Variants in DSCAML1 observed in about 807,000 individuals in gnomAD.
The protein encoded by DSCAML1 is DS cell adhesion molecule like 1, also known as cell adhesion molecule DSCAML1.
In DSCAML1, 38 loss-of-function variants were observed where a neutral mutation model predicts 200.5. The observed-to-expected ratio is 0.19, with a 90% CI of 0.15 to 0.25. DSCAML1 has a LOEUF of 0.25. Ranked by LOEUF, DSCAML1 falls within the 10% of genes least tolerant of loss-of-function variation. The pLI is 1.00. For missense variants in DSCAML1, 2,223 were observed against 2,858.8 expected (o/e 0.78, Z 5.07); for synonymous variants, 1,215 against 1,165.0 (o/e 1.04, Z -0.87).
rs373323150 is a variant in DSCAML1 at position 117,750,279 on chromosome 11, G to A, written c.511+26512C>T. On this transcript the variant is annotated intron_variant, in intron 3 of 32. Coordinates refer to ENST00000651296, the MANE Select transcript of DSCAML1 (RefSeq NM_020693.4). ...GCACTGCCCCTACTCCTGACCGAGC[G>A]GGGATATGCAGGTAAAGATATCTGT... 3.9e-5 allele frequency among the ~76,000 whole-genome samples: 6 copies of A among 152,318 alleles called. No homozygotes were observed. The East Asian group carries it at 5.8e-4, about 15-fold the overall frequency.
chr11:117,595,938 C>G (rs2137496726), intron 3 of DSCAML1, among the ~76,000 whole-genome samples: 1 of 152,318 alleles, frequency 6.6e-6, no homozygotes, highest in South Asian at 2.1e-4. Flanking sequence ...AGCTCCAAGA[C>G]AAAATCGTGT....
chr11:117,553,204 C>T (rs1218226113), intron 3 of DSCAML1, among the ~76,000 whole-genome samples: 2 of 152,124 alleles, frequency 1.3e-5, no homozygotes, highest in Admixed American at 1.3e-4. Flanking sequence ...TAAGGGAAAA[C>T]CTTCATTACA....
At chr11:117,666,105 G>C (rs989808710) in intron 3 of DSCAML1, among the ~76,000 whole-genome samples, 1 of 152,172 alleles carries the variant, frequency 6.6e-6, no homozygotes, top group African/African-American at 2.4e-5. Context: ...GGGGCTGTTT[G>C]TTGGCCTCCT....
chr11:117,793,495 A>G (rs907189298), intron 1 of DSCAML1, among the ~76,000 whole-genome samples: 2 of 152,184 alleles, frequency 1.3e-5, no homozygotes, highest in Non-Finnish European at 2.9e-5. Context: ...AGTGGCAAGG[A>G]TGTGTCTTCT....
chr11:117,598,982 T>C (rs2051413878), intron 3 of DSCAML1, among the ~76,000 whole-genome samples: 1 of 152,210 alleles, frequency 6.6e-6, no homozygotes, highest in Admixed American at 6.5e-5. Context: ...CTCAGTGACA[T>C]TTAATAACAC....
intron 1 of DSCAML1, among the ~76,000 whole-genome samples, chr11:117,785,442 G>T (rs1180243866): frequency 6.6e-6 from 1 of 152,150 alleles, no homozygotes; most frequent in Non-Finnish European, 1.5e-5. Context: ...AGGCATGCAT[G>T]TTGGGGGATG....
rs78946972 is a variant in DSCAML1 at position 117,686,090 on chromosome 11, G to A, written c.511+90701C>T. 6.8e-3 allele frequency among the ~76,000 whole-genome samples: 1,043 copies of A among 152,280 alleles called. 19 individuals are homozygous for A. Among genetic ancestry groups the A allele is most frequent in the African/African-American group, 0.024 (982 of 41,544 alleles). ...GTGAGATCCAGAATTGAGGTACCAG[G>A]TTCCCTCCCCACTACAGGAGCCCCA... On this transcript the variant is annotated intron_variant, in intron 3 of 32. Coordinates refer to ENST00000651296, the MANE Select transcript of DSCAML1 (RefSeq NM_020693.4).
rs1237061556 is a variant in DSCAML1, at chr11:117,780,294, AAG to A, written c.364+197_364+198del. On this transcript the variant is annotated intron_variant, in intron 2 of 32. Transcript: ENST00000651296. This position sits in a 1 kb window ranked among gnomAD's most constrained non-coding sequence, Gnocchi z 4.8. The stretch of plus-strand genomic sequence containing the variant: ...AAAGAAAGAAAGAAAGAAAGAAAGA[AAG>A]AAAGAAAGAGAGAAAGGAGAAAGAA... Among the ~76,000 whole-genome samples, 64 of 106,724 alleles carry A rather than the reference AAG, an allele frequency of 6.0e-4. 3 individuals are homozygous for A. The highest frequency in any genetic ancestry group is 5.2e-3 in the East Asian group (20 of 3,834). 70.0% of individuals were successfully genotyped at this position (106,724 alleles called of 152,430 possible).
chr11:117,692,318 G>T (rs768040278), intron 3 of DSCAML1, among the ~76,000 whole-genome samples: 2 of 151,948 alleles, frequency 1.3e-5, no homozygotes, highest in African/African-American at 2.4e-5. Context: ...CCCACCTTTT[G>T]CCTGTCACTT....
intron 8 of DSCAML1, among the ~76,000 whole-genome samples, chr11:117,513,780 A>G (rs1050903174): frequency 1.3e-5 from 2 of 151,360 alleles, no homozygotes; most frequent in African/African-American, 4.9e-5. Flanking sequence ...TCCTGGGCTC[A>G]AAGTGAGGTT....
intron 3 of DSCAML1, among the ~76,000 whole-genome samples, chr11:117,650,736 T>C (rs1473985947): frequency 6.7e-6 from 1 of 150,062 alleles, no homozygotes; most frequent in African/African-American, 2.5e-5. Flanking sequence ...GGGTTCCCAG[T>C]GGGTGGCTTG....
At chr11:117,783,733 GCACCTC>G (rs2055302380) in intron 1 of DSCAML1, among the ~76,000 whole-genome samples, 1 of 152,126 alleles carries the variant, frequency 6.6e-6, no homozygotes, top group Non-Finnish European at 1.5e-5. Flanking sequence ...GCTGGGGGAT[GCACCTC>G]CTACTCTACT....
chr11:117,793,980 T>C (rs1166388421), intron 1 of DSCAML1, among the ~76,000 whole-genome samples: 2 of 151,346 alleles, frequency 1.3e-5, no homozygotes, highest in Admixed American at 1.3e-4. Flanking sequence ...TTCGCCTGCC[T>C]CCCCTAAGTT....
chr11:117,524,939 G>A lies in DSCAML1; in HGVS notation c.803C>T (p.Ala268Val). 6.2e-7 allele frequency: 1 copy of A among 1,613,424 alleles called. No individual in the cohort carries two copies. The highest frequency in any genetic ancestry group is 1.1e-5 in the South Asian group (1 of 90,926). Reference protein sequence around the residue: ...RWLKDGRPLPADSRWTKRITG... With the variant: ...RWLKDGRPLPVDSRWTKRITG... Reference sequence around the variant, plus strand: ...GATGCGCTTGGTCCAGCGGCTGTCAGCCGGGAGGGGCCGGCCATCCTTGAG... The same window carrying A: ...GATGCGCTTGGTCCAGCGGCTGTCAACCGGGAGGGGCCGGCCATCCTTGAG... The change falls in exon 5 of 33, where the codon GCT (alanine) becomes GTT (valine). Residue 268 changes from alanine to valine, a missense_variant. Ala to Val is a moderately conservative substitution (Grantham distance 64). This residue lies in a region of DSCAML1 where 579 missense variants were observed against 721.5 expected (regional missense o/e 0.80). Coordinates refer to ENST00000651296, the MANE Select transcript of DSCAML1 (RefSeq NM_020693.4).
At chr11:117,678,564 T>G (rs989570354) in intron 3 of DSCAML1, among the ~76,000 whole-genome samples, 8 of 152,104 alleles carry the variant, frequency 5.3e-5, no homozygotes, top group African/African-American at 1.9e-4. Context: ...GGGGCAGCTG[T>G]ATTTGAGAGA....
chr11:117,758,213 T>C (rs1243818798), intron 3 of DSCAML1, among the ~76,000 whole-genome samples: 1 of 151,276 alleles, frequency 6.6e-6, no homozygotes, highest in Non-Finnish European at 1.5e-5. Flanking sequence ...AGGCAAATAA[T>C]TGCTTGAACG....
chr11:117,432,773 A>AT (rs61065938), intron 29 of DSCAML1, among the ~76,000 whole-genome samples: 30,206 of 138,382 alleles, frequency 0.22, 4,797 homozygotes, highest in East Asian at 0.61. Context: ...ATGCCTGGCT[A>AT]TTTTTTTTTT....
chr11:117,779,862 G>A (rs1336713095), intron 2 of DSCAML1, among the ~76,000 whole-genome samples: 6 of 152,150 alleles, frequency 3.9e-5, no homozygotes, highest in Non-Finnish European at 8.8e-5. Context: ...ATTTCATCAA[G>A]CTACATACTT....
intron 11 of DSCAML1, among the ~76,000 whole-genome samples, chr11:117,494,401 C>G (rs1470572047): frequency 6.6e-6 from 1 of 152,208 alleles, no homozygotes; most frequent in African/African-American, 2.4e-5. Context: ...TGAACCCTGC[C>G]CTGAGATTTT....
Sources: gnomAD v4.1 joint callset for allele counts (sites outside exome capture counted in the v4.1 genomes callset) on GRCh38, gnomAD v4.1.1 for gene constraint, gnomAD v4.1.1 regional missense constraint, Gnocchi (gnomAD v3.1) non-coding constraint, MANE v1.5 for transcripts, NCBI Gene and HGNC (gene_info 2026-07-23, HGNC 2026-07-21) for gene names.